Variants in KCNB2 observed in about 807,000 individuals in gnomAD.
KCNB2 encodes potassium voltage-gated channel subfamily B member 2.
A neutral mutation model predicts 61.5 loss-of-function variants in KCNB2; 15 were observed. The observed-to-expected ratio is 0.24, with a 90% CI of 0.16 to 0.38. The LOEUF (loss-of-function observed/expected upper bound fraction) is 0.38. Among genes scored for constraint, KCNB2 ranks in the 10% least tolerant of loss-of-function variants. The pLI, the probability that KCNB2 is intolerant of heterozygous loss-of-function variation, is 1.00. For synonymous variants in KCNB2, 457 were observed against 446.0 expected (o/e 1.02, Z -0.31); for missense variants, 828 against 1,125.2 (o/e 0.74, Z 3.78).
chr8:72,678,038 GT>G (rs1806690464), intron 2 of KCNB2, among the ~76,000 whole-genome samples: 1 of 152,062 alleles, frequency 6.6e-6, no homozygotes, highest in African/African-American at 2.4e-5. Context: ...CCCTAAACTG[GT>G]TCTTCCTCAG....
rs201814973 is a variant in KCNB2, at chr8:72,577,858, G to A, written c.579+9545G>A. 6.4e-4 allele frequency among the ~76,000 whole-genome samples: 98 copies of A among 152,258 alleles called. 1 individual carries two copies. Among genetic ancestry groups the A allele is most frequent in the African/African-American group, 1.9e-3 (80 of 41,568 alleles). ...GAAGAACCCTAGCCTTCAAGTCATC[G>A]TTTTAGCTTTAATCAATATACTATC... On this transcript the variant is annotated intron_variant, in intron 2 of 2. Transcript: ENST00000523207.
chr8:72,814,562 G>A (rs1440340), intron 2 of KCNB2, among the ~76,000 whole-genome samples: 16,125 of 152,092 alleles, frequency 0.11, 1,135 homozygotes, highest in East Asian at 0.4. Flanking sequence ...TTAGTTTAGT[G>A]CTTTGTAAAA....
intron 2 of KCNB2, among the ~76,000 whole-genome samples, chr8:72,775,477 C>T (rs989340186): frequency 3.9e-5 from 6 of 152,054 alleles, no homozygotes; most frequent in African/African-American, 1.2e-4. Flanking sequence ...GGAACTGTGG[C>T]GTTCCCTTCA....
chr8:72,747,347 G>C (rs925086406), intron 2 of KCNB2, among the ~76,000 whole-genome samples: 1 of 152,174 alleles, frequency 6.6e-6, no homozygotes, highest in Non-Finnish European at 1.5e-5. Flanking sequence ...GATGGACAGT[G>C]AGTGGCCCAG....
At chr8:72,741,199 A>G (rs1563576542) in intron 2 of KCNB2, among the ~76,000 whole-genome samples, 1 of 152,150 alleles carries the variant, frequency 6.6e-6, no homozygotes, top group Non-Finnish European at 1.5e-5. Context: ...CCAGCCTTGT[A>G]TTCTGCCACT....
At chr8:72,542,908 C>G (rs879513198) in intron 1 of KCNB2, among the ~76,000 whole-genome samples, 1 of 152,150 alleles carries the variant, frequency 6.6e-6, no homozygotes, top group Non-Finnish European at 1.5e-5. Flanking sequence ...ATGCATAAGA[C>G]ACTATGCACT....
chr8:72,936,465 A>C lies in KCNB2; in HGVS notation c.1110A>C (p.Ala370=). ...CTACCAAGTTCACCAGTATCCCTGC[A>C]TCATTTTGGTGGGCCACCATCACCA... ...EDATKFTSIP[A]SFWWATITMT... The change falls in exon 3 of 3, where the codon GCA becomes GCC. Residue 370 remains alanine (A), a synonymous_variant. Coordinates refer to ENST00000523207, the MANE Select transcript of KCNB2 (RefSeq NM_004770.3). The surrounding 1 kb of genome is among the most constrained non-coding windows in gnomAD (Gnocchi z 5.6). 1.2e-6 allele frequency: 2 copies of C among 1,614,208 alleles called. No homozygotes were observed. Among genetic ancestry groups the C allele is most frequent in the East Asian group, 4.5e-5 (2 of 44,872 alleles).
chr8:72,759,000 A>T (rs1808336248), intron 2 of KCNB2, among the ~76,000 whole-genome samples: 1 of 152,200 alleles, frequency 6.6e-6, no homozygotes, highest in Non-Finnish European at 1.5e-5. Flanking sequence ...AATCATGCCA[A>T]TATTTTATAA....
chr8:72,695,014 T>G (rs187767414), intron 2 of KCNB2, among the ~76,000 whole-genome samples: 1 of 152,190 alleles, frequency 6.6e-6, no homozygotes, highest in Non-Finnish European at 1.5e-5. Context: ...AGCTGAATCT[T>G]TATAAAATTT....
At chr8:72,612,973 T>C (rs1406710267) in intron 2 of KCNB2, among the ~76,000 whole-genome samples, 4 of 152,222 alleles carry the variant, frequency 2.6e-5, no homozygotes, top group Non-Finnish European at 2.9e-5. Flanking sequence ...AACATTTCTA[T>C]CAAGTTAGCA....
At chr8:72,611,594 C>G (rs1055208404) in intron 2 of KCNB2, among the ~76,000 whole-genome samples, 3 of 152,166 alleles carry the variant, frequency 2.0e-5, no homozygotes, top group African/African-American at 7.2e-5. Context: ...TTTTTAGGAA[C>G]AGGAAGGCAG....
At chr8:72,640,743 C>T (rs967551836) in intron 2 of KCNB2, among the ~76,000 whole-genome samples, 4 of 151,980 alleles carry the variant, frequency 2.6e-5, no homozygotes, top group Non-Finnish European at 5.9e-5. Flanking sequence ...GATGTTACAT[C>T]GTGGTTGGTT....
At chr8:72,913,583 G>A (rs995356900) in intron 2 of KCNB2, among the ~76,000 whole-genome samples, 1 of 152,144 alleles carries the variant, frequency 6.6e-6, no homozygotes, top group Non-Finnish European at 1.5e-5. Flanking sequence ...AATCCACAGT[G>A]TCTGTTGATT....
chr8:72,609,419 A>C (rs1805503455), intron 2 of KCNB2, among the ~76,000 whole-genome samples: 1 of 152,234 alleles, frequency 6.6e-6, no homozygotes, highest in South Asian at 2.1e-4. Context: ...TTCCGTTAGA[A>C]GTGAGTTACA....
At chr8:72,809,965 T>C (rs1809281609) in intron 2 of KCNB2, among the ~76,000 whole-genome samples, 1 of 152,210 alleles carries the variant, frequency 6.6e-6, no homozygotes, top group Non-Finnish European at 1.5e-5. Context: ...TTCTACATAC[T>C]GTCAATGGGA....
intron 2 of KCNB2, among the ~76,000 whole-genome samples, chr8:72,610,576 A>T (rs975683094): frequency 2.4e-4 from 37 of 152,304 alleles, no homozygotes; most frequent in African/African-American, 8.7e-4. Context: ...GCAACCAAAA[A>T]AATAGATAGC....
chr8:72,599,428 C>T (rs1042237669), intron 2 of KCNB2, among the ~76,000 whole-genome samples: 1 of 152,190 alleles, frequency 6.6e-6, no homozygotes, highest in Non-Finnish European at 1.5e-5. Context: ...CCCTTCCTTA[C>T]ACCTTATACA....
Position 72,931,740 on chromosome 8 carries a change from G to T in KCNB2, c.580-4195G>T, listed in dbSNP as rs560926396. ...TAAAAACCTGAGGCAGGTGGGGCAT[G>T]GTGACTTATGCCTGTAATCCCACCA... is the stretch of plus-strand genomic sequence containing the variant. On this transcript the variant is annotated intron_variant, in intron 2 of 2. Transcript: ENST00000523207. Among the ~76,000 whole-genome samples the T allele has an allele frequency of 3.3e-5, 5 of 152,266 alleles. No homozygotes were observed. In the East Asian group the frequency reaches 9.7e-4, roughly 29 times the overall value.
At chr8:72,758,360 T>C (rs1442829786) in intron 2 of KCNB2, among the ~76,000 whole-genome samples, 1 of 152,162 alleles carries the variant, frequency 6.6e-6, no homozygotes, top group African/African-American at 2.4e-5. Flanking sequence ...CATTGTGAGA[T>C]CCATCCTGCC....
Sources: gnomAD v4.1 joint callset for allele counts (sites outside exome capture counted in the v4.1 genomes callset) on GRCh38, gnomAD v4.1.1 for gene constraint, Gnocchi (gnomAD v3.1) non-coding constraint, MANE v1.5 for transcripts, NCBI Gene and HGNC (gene_info 2026-07-23, HGNC 2026-07-21) for gene names.